The following DLGAP2 variants were observed in gnomAD, a reference collection of about 807,000 sequenced individuals.
The protein encoded by DLGAP2 is DLG associated protein 2.
A neutral mutation model predicts 100.3 loss-of-function variants in DLGAP2; 26 were observed. The ratio of observed to expected loss-of-function variants is 0.26; its 90% CI spans 0.19 to 0.36. The LOEUF (loss-of-function observed/expected upper bound fraction) is 0.36. DLGAP2 is among the 10% of genes least tolerant of loss of function. The pLI, the probability that DLGAP2 is intolerant of heterozygous loss-of-function variation, is 1.00. For synonymous variants in DLGAP2, 886 were observed against 630.1 expected (o/e 1.41, Z -6.08); for missense variants, 1,858 against 1,453.2 (o/e 1.28, Z -4.53).
intron 4 of DLGAP2, among the ~76,000 whole-genome samples, chr8:1,518,447 C>G (rs546794721): frequency 6.6e-6 from 1 of 152,304 alleles, no homozygotes; most frequent in Non-Finnish European, 1.5e-5. Flanking sequence ...TTCATGTATG[C>G]TTGTGCATTT....
chr8:744,063 G>A (rs913954819), intron 1 of DLGAP2, among the ~76,000 whole-genome samples: 20 of 152,336 alleles, frequency 1.3e-4, no homozygotes, highest in Non-Finnish European at 2.4e-4. Context: ...TTTAGCTGAA[G>A]GAAGTGACTT....
At chr8:1,054,789 G>C (rs1213880634) in intron 2 of DLGAP2, among the ~76,000 whole-genome samples, 1 of 152,112 alleles carries the variant, frequency 6.6e-6, no homozygotes, top group African/African-American at 2.4e-5. Context: ...AAAAACTCTT[G>C]GAGGCTGAGA....
chr8:913,036 A>T (rs114048218), intron 2 of DLGAP2, among the ~76,000 whole-genome samples: 2,271 of 152,256 alleles, frequency 0.015, 59 homozygotes, highest in African/African-American at 0.051. Flanking sequence ...TTGAAATGTA[A>T]CCTTTGTAAC....
intron 1 of DLGAP2, among the ~76,000 whole-genome samples, chr8:823,218 C>G (rs1187276151): frequency 6.6e-6 from 1 of 152,108 alleles, no homozygotes; most frequent in African/African-American, 2.4e-5. Flanking sequence ...GCTGCCAGAC[C>G]AAGTTGCCAC....
chr8:1,297,598 A>G (rs75781296), intron 3 of DLGAP2, among the ~76,000 whole-genome samples: 249 of 14,818 alleles, frequency 0.017, 3 homozygotes, highest in African/African-American at 0.042. Context: ...CGTGGCAGGC[A>G]TGAACAGACA....
chr8:1,312,236 C>T (rs1227437047), intron 3 of DLGAP2, among the ~76,000 whole-genome samples: 1 of 152,150 alleles, frequency 6.6e-6, no homozygotes, highest in African/African-American at 2.4e-5. Flanking sequence ...AACACAGGGT[C>T]TAGAATTTAA....
At chr8:1,681,702 C>G (rs1481886710) in intron 12 of DLGAP2, among the ~76,000 whole-genome samples, 4 of 152,210 alleles carry the variant, frequency 2.6e-5, no homozygotes, top group Non-Finnish European at 5.9e-5. Context: ...TATGATATGT[C>G]AGGCCCTGTG....
chr8:1,049,247 CGGG>C (rs892269931), intron 2 of DLGAP2, among the ~76,000 whole-genome samples: 2 of 152,048 alleles, frequency 1.3e-5, no homozygotes, highest in African/African-American at 4.8e-5. Context: ...TTTATGCAAA[CGGG>C]GGAAATGTAT....
At chr8:879,824 A>G (rs563802387) in intron 1 of DLGAP2, among the ~76,000 whole-genome samples, 1 of 152,270 alleles carries the variant, frequency 6.6e-6, no homozygotes, top group Admixed American at 6.5e-5. Flanking sequence ...CATAGCAACA[A>G]CAGCCTCCAC....
intron 2 of DLGAP2, among the ~76,000 whole-genome samples, chr8:1,113,382 C>T (rs777442399): frequency 6.6e-6 from 1 of 152,140 alleles, no homozygotes; most frequent in Non-Finnish European, 1.5e-5. Flanking sequence ...CTTTGAGGAG[C>T]ATTTGGTAAT....
chr8:1,102,594 A>G (rs12544411), intron 2 of DLGAP2, among the ~76,000 whole-genome samples: 4 of 139,724 alleles, frequency 2.9e-5, no homozygotes, highest in African/African-American at 7.4e-5. Flanking sequence ...GCACAAGTCC[A>G]TGCAATTCTG....
At chr8:1,190,678 A>G (rs570425835) in intron 2 of DLGAP2, among the ~76,000 whole-genome samples, 1 of 152,004 alleles carries the variant, frequency 6.6e-6, no homozygotes, top group South Asian at 2.1e-4. Flanking sequence ...CATCCTCCCA[A>G]CCCCGTGTCT....
chr8:1,173,912 C>A (rs1429811975), intron 2 of DLGAP2, among the ~76,000 whole-genome samples: 1 of 152,170 alleles, frequency 6.6e-6, no homozygotes, highest in Non-Finnish European at 1.5e-5. Flanking sequence ...CTCTGGCACT[C>A]CCTAGTGAGA....
chr8:1,617,522 C>G (rs761562348), intron 6 of DLGAP2, among the ~76,000 whole-genome samples: 1 of 152,182 alleles, frequency 6.6e-6, no homozygotes, highest in Non-Finnish European at 1.5e-5. Flanking sequence ...ACATGTATGT[C>G]TTCGTTTGAA....
At chr8:978,488 G>A (rs55685631) in intron 2 of DLGAP2, among the ~76,000 whole-genome samples, 7 of 69,554 alleles carry the variant, frequency 1.0e-4, no homozygotes, top group Non-Finnish European at 1.4e-4. Context: ...ATGCAGTGAG[G>A]TGCTGGGTTC....
At chr8:922,237 C>T (rs60087772) in intron 2 of DLGAP2, among the ~76,000 whole-genome samples, 1 of 152,234 alleles carries the variant, frequency 6.6e-6, no homozygotes, top group Non-Finnish European at 1.5e-5. Context: ...CTTCTCTCTT[C>T]TCTAACCCAT....
chr8:1,128,938 G>GGT (rs1473147575), intron 2 of DLGAP2, among the ~76,000 whole-genome samples: 2 of 152,258 alleles, frequency 1.3e-5, no homozygotes, highest in East Asian at 3.9e-4. Context: ...CAGGGTGGCC[G>GGT]GTGTGTGTGT....
intron 4 of DLGAP2, among the ~76,000 whole-genome samples, chr8:1,532,221 G>A (rs547265468): frequency 2.6e-5 from 4 of 152,268 alleles, no homozygotes; most frequent in Admixed American, 6.5e-5. Context: ...GGGCCCAAAG[G>A]TTTTCCTCTC....
At chr8:1,519,977 G>C (rs563056965) in intron 4 of DLGAP2, among the ~76,000 whole-genome samples, 1 of 152,234 alleles carries the variant, frequency 6.6e-6, no homozygotes, top group Non-Finnish European at 1.5e-5. Context: ...TGCAGGAGGA[G>C]GAGGAGCTCC....
Sources: allele counts gnomAD v4.1 joint callset (sites outside exome capture counted in the v4.1 genomes callset), GRCh38; gene constraint gnomAD v4.1.1; transcripts MANE v1.5; gene names NCBI Gene and HGNC (gene_info 2026-07-23, HGNC 2026-07-21).